Variants in FSTL4 observed in about 807,000 individuals in gnomAD.
The protein encoded by FSTL4 is follistatin like 4.
In FSTL4, 28 loss-of-function variants were observed where a neutral mutation model predicts 78.2. That is an observed-to-expected ratio of 0.36 (90% CI 0.27 to 0.49). The LOEUF (loss-of-function observed/expected upper bound fraction) is 0.49. FSTL4 is among the 20% of genes least tolerant of loss of function. The probability of loss-of-function intolerance (pLI) is 0.98; values close to 1 mark genes in which losing one functional copy is unlikely to be tolerated. For missense variants in FSTL4, 922 were observed against 1,084.9 expected (o/e 0.85, Z 2.11); for synonymous variants, 422 against 440.5 (o/e 0.96, Z 0.53).
intron 3 of FSTL4, among the ~76,000 whole-genome samples, chr5:133,434,506 C>CCAG (rs1033782448): frequency 2.0e-5 from 3 of 152,150 alleles, no homozygotes; most frequent in African/African-American, 7.2e-5. Context: ...TTTCCTTTAA[C>CCAG]CAGTCACTGC....
chr5:133,702,062 T>C, the FSTL4 span, among the ~76,000 whole-genome samples: 2 of 152,192 alleles, frequency 1.3e-5, no homozygotes, highest in South Asian at 4.1e-4. Context: ...CCAGCTTTTG[T>C]ACAGATTCTG....
chr5:133,448,179 G>A (rs1027435860), intron 3 of FSTL4, among the ~76,000 whole-genome samples: 1 of 152,202 alleles, frequency 6.6e-6, no homozygotes, highest in Non-Finnish European at 1.5e-5. Context: ...ATTTGCCCCT[G>A]CTGAAACCAT....
At chr5:133,210,147 C>T in intron 14 of FSTL4, 44 bp downstream of exon 14, 13 of 1,003,410 alleles carry the variant, frequency 1.3e-5, no homozygotes, top group Non-Finnish European at 1.9e-5. Flanking sequence ...GAGAGTTCTT[C>T]TCTCAGTGGA....
chr5:133,502,265 C>T (rs1167814788), intron 3 of FSTL4, among the ~76,000 whole-genome samples: 1 of 152,182 alleles, frequency 6.6e-6, no homozygotes, highest in Non-Finnish European at 1.5e-5. Flanking sequence ...GACACAAGCC[C>T]TTCAAGCAGA....
At chr5:133,543,074 C>G (rs1456385136) in intron 3 of FSTL4, among the ~76,000 whole-genome samples, 1 of 151,830 alleles carries the variant, frequency 6.6e-6, no homozygotes, top group Admixed American at 6.6e-5. Context: ...CTTATTTTTT[C>G]TTTTCCTTGC....
intron 3 of FSTL4, among the ~76,000 whole-genome samples, chr5:133,478,365 A>C (rs1431990609): frequency 6.6e-6 from 1 of 152,238 alleles, no homozygotes; most frequent in Non-Finnish European, 1.5e-5. Context: ...TTGGTGAGCA[A>C]GTCGTCTGTC....
intron 6 of FSTL4, among the ~76,000 whole-genome samples, chr5:133,294,222 C>T (rs935317811): frequency 1.3e-5 from 2 of 152,192 alleles, no homozygotes; most frequent in African/African-American, 2.4e-5. Context: ...AGAGTGGACT[C>T]CCTGGGGCCA....
At chr5:133,813,375 G>T in the FSTL4 span, among the ~76,000 whole-genome samples, 4 of 151,952 alleles carry the variant, frequency 2.6e-5, no homozygotes, top group African/African-American at 9.7e-5. Flanking sequence ...CACTTTTCTT[G>T]GTACCAAGGC....
intron 2 of FSTL4, among the ~76,000 whole-genome samples, chr5:133,601,531 G>A (rs1355031791): frequency 6.6e-6 from 1 of 152,152 alleles, no homozygotes; most frequent in African/African-American, 2.4e-5. Flanking sequence ...AGGAGAGACA[G>A]CACGCTCTGC....
the FSTL4 span, among the ~76,000 whole-genome samples, chr5:133,836,571 T>G: frequency 6.6e-6 from 1 of 152,192 alleles, no homozygotes; most frequent in Non-Finnish European, 1.5e-5. Flanking sequence ...TACTTTTTGT[T>G]GCTCTTCATT....
chr5:133,414,286 G>C (rs1756533938), intron 3 of FSTL4, among the ~76,000 whole-genome samples: 1 of 152,104 alleles, frequency 6.6e-6, no homozygotes, highest in Non-Finnish European at 1.5e-5. Context: ...CAAGATTTGA[G>C]GCAGGAACAT....
the FSTL4 span, among the ~76,000 whole-genome samples, chr5:133,660,881 A>G: frequency 1.3e-5 from 2 of 152,254 alleles, no homozygotes; most frequent in African/African-American, 4.8e-5. Flanking sequence ...CTTGACTGAC[A>G]TCCACGCTGG....
At chr5:133,809,171 G>T in the FSTL4 span, among the ~76,000 whole-genome samples, 2 of 151,836 alleles carry the variant, frequency 1.3e-5, no homozygotes, top group Non-Finnish European at 2.9e-5. Context: ...TTCGAGACCG[G>T]CCTGGCCAAC....
At chr5:133,612,599 C>G (rs1208416459), upstream of FSTL4, 6 of 151,654 alleles carry the variant, frequency 4.0e-5, no homozygotes, top group African/African-American at 1.4e-4. This position sits in a 1 kb window ranked among gnomAD's most constrained non-coding sequence, Gnocchi z 6.2. Context: ...CCAATCGCCG[C>G]CACCTGTGCG....
the FSTL4 span, among the ~76,000 whole-genome samples, chr5:133,739,344 A>G: frequency 2.7e-5 from 4 of 149,014 alleles, no homozygotes; most frequent in Admixed American, 2.0e-4. Flanking sequence ...TTGTGCTGTC[A>G]TCAAAGTGAG....
At chr5:133,680,555 C>T in the FSTL4 span, among the ~76,000 whole-genome samples, 1 of 152,226 alleles carries the variant, frequency 6.6e-6, no homozygotes, top group Non-Finnish European at 1.5e-5. Context: ...CTGATCTCCT[C>T]TTCTTGATGA....
chr5:133,763,526 C>T, the FSTL4 span, among the ~76,000 whole-genome samples: 2 of 152,176 alleles, frequency 1.3e-5, no homozygotes, highest in African/African-American at 4.8e-5. Flanking sequence ...CATGCATTTT[C>T]CAGGCAGACC....
chr5:133,532,718 A>G (rs1759281327), intron 3 of FSTL4, among the ~76,000 whole-genome samples: 1 of 152,192 alleles, frequency 6.6e-6, no homozygotes, highest in Non-Finnish European at 1.5e-5. Context: ...TGCTCTGATA[A>G]CCAAGGTCAG....
At chr5:133,654,303 T>G in the FSTL4 span, among the ~76,000 whole-genome samples, 1 of 152,198 alleles carries the variant, frequency 6.6e-6, no homozygotes, top group African/African-American at 2.4e-5. Context: ...CCCACAGTCC[T>G]CTGAAGGAAG....
Sources: allele counts gnomAD v4.1 joint callset (sites outside exome capture counted in the v4.1 genomes callset), GRCh38; gene constraint gnomAD v4.1.1; non-coding constraint Gnocchi (gnomAD v3.1); transcripts MANE v1.5; gene names NCBI Gene and HGNC (gene_info 2026-07-23, HGNC 2026-07-21).